The following LMO7 variants were observed in gnomAD, a reference collection of about 807,000 sequenced individuals.
LMO7 encodes the protein LIM domain 7, also known as LIM domain only protein 7.
Under a neutral mutation model 206.5 loss-of-function variants are expected in LMO7, and 120 were observed. The observed-to-expected ratio is 0.58, with a 90% CI of 0.50 to 0.68. The LOEUF (loss-of-function observed/expected upper bound fraction) is 0.68. LMO7 is among the 30% of genes least tolerant of loss of function. The pLI, the probability that LMO7 is intolerant of heterozygous loss-of-function variation, is 0.00. For missense variants in LMO7, 1,959 were observed against 1,957.9 expected (o/e 1.00, Z -0.01); for synonymous variants, 706 against 681.5 (o/e 1.04, Z -0.56).
intron 27 of LMO7, among the ~76,000 whole-genome samples, chr13:75,852,260 T>C (rs2060558407): frequency 6.6e-6 from 1 of 152,220 alleles, no homozygotes; most frequent in African/African-American, 2.4e-5. Context: ...ACAAAGGTGT[T>C]CTCACTTGTA....
intron 2 of LMO7, among the ~76,000 whole-genome samples, chr13:75,623,562 C>T (rs898277683): frequency 1.3e-5 from 2 of 151,814 alleles, no homozygotes; most frequent in Admixed American, 1.3e-4. Flanking sequence ...AGGGTTTCTC[C>T]ATATTGGCTA....
chr13:75,671,455 T>C (rs2039573327), intron 1 of LMO7, among the ~76,000 whole-genome samples: 1 of 152,182 alleles, frequency 6.6e-6, no homozygotes, highest in South Asian at 2.1e-4. Flanking sequence ...TGTAGTCTCA[T>C]GAGTCCACCA....
In LMO7 at chr13:75,751,437, G is replaced by C. The variant is rs552220437; in HGVS notation, c.211-9495G>C. On this transcript the variant is annotated intron_variant, in intron 3 of 30. Transcript: ENST00000377534. ...AGCCTCCCAAAGTGCAGGGATTACA[G>C]GCATGAGCCACCGCACCTGACCAGC... Among the ~76,000 whole-genome samples the C allele has an allele frequency of 3.0e-4, 45 of 152,196 alleles. No individual in the cohort carries two copies. The East Asian group carries it at 8.3e-3, about 28-fold the overall frequency.
chr13:75,807,620 G>T lies in LMO7; in HGVS notation c.1337G>T (p.Arg446Ile), dbSNP rs930034619. Residue 446 changes from arginine (R) to isoleucine (I), a missense_variant, in exon 10 of 31, where the codon AGA becomes ATA. Physicochemically the swap from Arg to Ile is moderately conservative, Grantham distance 97. Transcript: ENST00000377534. ...CTCTCTTATGCACCAGGCTATAGAA[G>T]AGATGACCTCGAGATGGCAGCCCTG... ...KNLSYAPGYR[R>I]DDLEMAALDP... The T allele has an allele frequency of 2.5e-6, 4 of 1,613,902 alleles. No individual in the cohort carries two copies. In the African/African-American group the frequency reaches 5.3e-5, roughly 22 times the overall value.
At chr13:75,754,367 A>G (rs1044876841) in intron 3 of LMO7, among the ~76,000 whole-genome samples, 1 of 152,156 alleles carries the variant, frequency 6.6e-6, no homozygotes, top group Non-Finnish European at 1.5e-5. Context: ...GTGCTATTCC[A>G]TTGTATGGAT....
chr13:75,824,509 G>C (rs1055699102), intron 15 of LMO7, among the ~76,000 whole-genome samples: 12 of 152,062 alleles, frequency 7.9e-5, no homozygotes, highest in Admixed American at 3.9e-4. Context: ...GAATGACTGG[G>C]GGCATGTGTA....
At chr13:75,698,993 A>G (rs1027591506) in intron 1 of LMO7, among the ~76,000 whole-genome samples, 1 of 152,194 alleles carries the variant, frequency 6.6e-6, no homozygotes, top group Non-Finnish European at 1.5e-5. Context: ...CTAGCCCCTG[A>G]CAACCATTAA....
chr13:75,760,805 G>A (rs762860550), intron 3 of LMO7, 127 bp from the exon 4 acceptor site: 2 of 1,547,698 alleles, frequency 1.3e-6, no homozygotes, highest in South Asian at 1.2e-5. Context: ...ATATGCATGG[G>A]TCTTGCTGCT....
chr13:75,663,591 C>T (rs527998288), intron 1 of LMO7, among the ~76,000 whole-genome samples: 26 of 151,956 alleles, frequency 1.7e-4, no homozygotes, highest in Non-Finnish European at 2.5e-4. Flanking sequence ...CCACTACACC[C>T]GGCTAGTTTT....
chr13:75,851,646 C>T (rs989320299), intron 27 of LMO7, among the ~76,000 whole-genome samples: 1 of 152,108 alleles, frequency 6.6e-6, no homozygotes, highest in Non-Finnish European at 1.5e-5. Context: ...TAGATGAATT[C>T]TCATAATTTT....
At chr13:75,763,906 T>A (rs2048519059) in intron 4 of LMO7, among the ~76,000 whole-genome samples, 1 of 152,170 alleles carries the variant, frequency 6.6e-6, no homozygotes, top group African/African-American at 2.4e-5. Flanking sequence ...CCAACTGTTT[T>A]TCAGTTTTCT....
At chr13:75,842,701 C>G in intron 24 of LMO7, 150 bp from the exon 25 acceptor site, 1 of 576,508 alleles carries the variant, frequency 1.7e-6, no homozygotes, top group East Asian at 2.9e-5. Context: ...TGTGGTTATT[C>G]ATTGAAATAC....
At chr13:75,782,680 C>G (rs1020449187) in intron 4 of LMO7, among the ~76,000 whole-genome samples, 1 of 152,204 alleles carries the variant, frequency 6.6e-6, no homozygotes, top group Non-Finnish European at 1.5e-5. Flanking sequence ...TTTCTTCTTG[C>G]AGCTCCAGGG....
chr13:75,756,688 T>C (rs1479274949), intron 3 of LMO7, among the ~76,000 whole-genome samples: 1 of 152,164 alleles, frequency 6.6e-6, no homozygotes, highest in Admixed American at 6.5e-5. Context: ...CTCTATTGCA[T>C]GTTGGGAGTG....
rs1434362826 is a variant in LMO7, at chr13:75,807,641, C to T, written c.1358C>T (p.Ala453Val). 6 of 1,613,834 alleles carry T rather than the reference C, an allele frequency of 3.7e-6. No individual in the cohort carries two copies. The highest frequency in any genetic ancestry group is 2.2e-5 in the East Asian group (1 of 44,894). ...GYRRDDLEMA[A>V]LDPDLENDDF... is the part of the protein sequence containing the mutation. ...AGAAGAGATGACCTCGAGATGGCAG[C>T]CCTGGATCCTGACTTAGAGAATGAT... Residue 453 changes from alanine to valine, a missense_variant, in exon 10 of 31, where the codon GCC becomes GTC. Ala to Val is a moderately conservative substitution (Grantham distance 64). Coordinates refer to ENST00000377534, the MANE Select transcript of LMO7 (RefSeq NM_001306080.2).
chr13:75,719,985 C>T (rs990630992), intron 2 of LMO7, among the ~76,000 whole-genome samples: 3 of 152,172 alleles, frequency 2.0e-5, no homozygotes, highest in South Asian at 2.1e-4. Context: ...TGTTGTTCCA[C>T]GTTGTTGTCA....
Position 75,856,514 on chromosome 13 carries a change from C to G in LMO7, c.4779C>G (p.Ala1593=), listed in dbSNP as rs2060973363. The change falls in exon 30 of 31, where the codon GCC becomes GCG. Residue 1593 remains alanine, a synonymous_variant. Coordinates refer to ENST00000377534, the MANE Select transcript of LMO7 (RefSeq NM_001306080.2). ...CYHLHCFKCV[A]CECDLGGSSS... is the part of the protein sequence containing the mutation. ...TTTTTTTTGTTCCCCAGTGTGTTGCCTGTGAGTGTGACCTCGGAGGCTCTT... is the reference window on the plus strand; with the variant it reads ...TTTTTTTTGTTCCCCAGTGTGTTGCGTGTGAGTGTGACCTCGGAGGCTCTT... 6 of 1,606,616 alleles carry G rather than the reference C, an allele frequency of 3.7e-6. No individual in the cohort carries two copies. The highest frequency in any genetic ancestry group is 5.1e-6 in the Non-Finnish European group (6 of 1,174,006).
At chr13:75,799,141 T>A (rs1204924140) in intron 6 of LMO7, among the ~76,000 whole-genome samples, 3 of 152,176 alleles carry the variant, frequency 2.0e-5, no homozygotes, top group Admixed American at 1.3e-4. Flanking sequence ...ACATGAAATC[T>A]CCTTGAAATC....
intron 1 of LMO7, among the ~76,000 whole-genome samples, chr13:75,644,086 G>T (rs1007788912): frequency 1.3e-5 from 2 of 152,012 alleles, no homozygotes; most frequent in Admixed American, 1.3e-4. Flanking sequence ...GAATATAGCA[G>T]TGCCCTACAC....
Sources: gnomAD v4.1 joint callset for allele counts (sites outside exome capture counted in the v4.1 genomes callset) on GRCh38, gnomAD v4.1.1 for gene constraint, MANE v1.5 for transcripts, NCBI Gene and HGNC (gene_info 2026-07-23, HGNC 2026-07-21) for gene names.